The following PC variants were observed in gnomAD, a reference collection of about 807,000 sequenced individuals.
PC encodes pyruvate carboxylase, also known as pyruvate carboxylase, mitochondrial.
A neutral mutation model predicts 107.8 loss-of-function variants in PC; 46 were observed. That is an observed-to-expected ratio of 0.43 (90% CI 0.34 to 0.55). PC has a LOEUF of 0.55. Ranked by LOEUF, PC falls within the 20% of genes least tolerant of loss-of-function variation. PC has a pLI of 0.04. For synonymous variants in PC, 662 were observed against 684.7 expected, an observed-to-expected ratio of 0.97 and a Z score of 0.52; for missense variants, 1,241 against 1,643.1, an observed-to-expected ratio of 0.76 and a Z score of 4.23.
Position 66,870,689 on chromosome 11 carries a change from C to T in PC, c.751+86G>A. On this transcript the variant is annotated intron_variant, in intron 8 of 22. Coordinates refer to ENST00000393960, the MANE Select transcript of PC (RefSeq NM_001040716.2). The surrounding 1 kb of genome is among the most constrained non-coding windows in gnomAD (Gnocchi z 6.1). The stretch of plus-strand genomic sequence containing the variant: ...GCCCGACAGGCCCCAGGGCTGTCCC[C>T]AAGGCCAGCCACTGTGACGGCACCA... The T allele has an allele frequency of 7.3e-7, 1 of 1,363,146 alleles. No homozygotes were observed. The highest frequency in any genetic ancestry group is 1.0e-6 in the Non-Finnish European group (1 of 963,302). The allele number at this position is 1,363,146 out of a possible 1,614,324, so 84.4% of individuals were successfully genotyped here. A position where few individuals can be genotyped will look rare whatever the true frequency, so the allele number is the denominator to read the frequency against.
chr11:66,915,896 T>G (rs1194065274), intron 3 of PC, among the ~76,000 whole-genome samples: 1 of 152,234 alleles, frequency 6.6e-6, no homozygotes, highest in Non-Finnish European at 1.5e-5. Flanking sequence ...CAATAGCCAC[T>G]GCCTCTTTCG....
At chr11:66,934,279 G>A (rs1180397164) in intron 3 of PC, among the ~76,000 whole-genome samples, 1 of 152,178 alleles carries the variant, frequency 6.6e-6, no homozygotes, top group Non-Finnish European at 1.5e-5. Flanking sequence ...CCCATTAACA[G>A]AGCCACCATT....
At chr11:66,912,936 A>C (rs990991507) in intron 3 of PC, among the ~76,000 whole-genome samples, 5 of 152,280 alleles carry the variant, frequency 3.3e-5, no homozygotes, top group Admixed American at 2.6e-4. Context: ...AGCTGAGGTC[A>C]CTGGGTAGGG....
chr11:66,908,984 T>C (rs564387427), intron 3 of PC, among the ~76,000 whole-genome samples: 1 of 152,322 alleles, frequency 6.6e-6, no homozygotes, highest in Non-Finnish European at 1.5e-5. Flanking sequence ...GGAAGGGGGC[T>C]ACCCGGAAGG....
chr11:66,866,269 C>A lies in PC; in HGVS notation c.1103G>T (p.Arg368Leu). 6.2e-7 allele frequency: 1 copy of A among 1,613,018 alleles called. No homozygotes were observed. Residue 368 changes from arginine to leucine, a missense_variant, in exon 11 of 23, where the codon CGC becomes CTC. Transcript: ENST00000393960. The surrounding 1 kb of genome is among the most constrained non-coding windows in gnomAD (Gnocchi z 5.4). Reference sequence around the variant, plus strand: ...GCACTGGATGGCACACCCGTTGATGCGGATGTTCTCCTGCCGCAGGCCCAG... The same window carrying A: ...GCACTGGATGGCACACCCGTTGATGAGGATGTTCTCCTGCCGCAGGCCCAG... Reference protein sequence around the residue: ...PDLGLRQENIRINGCAIQCRV... With the variant: ...PDLGLRQENILINGCAIQCRV...
chr11:66,850,733 G>C lies in PC; in HGVS notation c.2414C>G (p.Thr805Ser). 2 of 1,611,508 alleles carry C rather than the reference G, an allele frequency of 1.2e-6. No individual in the cohort carries two copies. Among genetic ancestry groups the C allele is most frequent in the Non-Finnish European group, 1.7e-6 (2 of 1,179,908 alleles). Residue 805 changes from threonine to serine, a missense_variant, in exon 18 of 23, where the codon ACT becomes AGT. This residue lies in a region of PC where 1,143 missense variants were observed against 1,551.9 expected (regional missense o/e 0.74). Transcript: ENST00000393960. ...DVAADSMSGMTSQPSMGALVA... is the reference protein window; with the variant it reads ...DVAADSMSGMSSQPSMGALVA... ...CAGGGCCCCCATGCTGGGCTGTGAA[G>C]TCATCCCAGACATGGAATCAGCTGC...
At chr11:66,880,472 G>A (rs901301134) in intron 3 of PC, among the ~76,000 whole-genome samples, 2 of 152,154 alleles carry the variant, frequency 1.3e-5, no homozygotes, top group South Asian at 2.1e-4. Context: ...GGCACCTATG[G>A]TGACCCTCGG....
At chr11:66,922,749 C>G (rs558182559) in intron 3 of PC, among the ~76,000 whole-genome samples, 2 of 152,222 alleles carry the variant, frequency 1.3e-5, no homozygotes, top group South Asian at 2.1e-4. Context: ...GAGCCACAGA[C>G]AGCTGGAGAA....
At chr11:66,950,851 C>T (rs1949417953) in intron 3 of PC, among the ~76,000 whole-genome samples, 2 of 152,080 alleles carry the variant, frequency 1.3e-5, no homozygotes, top group South Asian at 4.1e-4. Flanking sequence ...GAACCTTCCC[C>T]AACATGCCCA....
chr11:66,851,015 A>C (rs778933030), intron 17 of PC, 25 bp downstream of exon 17: 2 of 1,611,332 alleles, frequency 1.2e-6, no homozygotes, highest in Non-Finnish European at 1.7e-6. Flanking sequence ...GCAGAGAGGG[A>C]GGGACGGACA....
chr11:66,854,060 G>T (rs1381246693), intron 12 of PC, among the ~76,000 whole-genome samples: 2 of 152,160 alleles, frequency 1.3e-5, no homozygotes, highest in African/African-American at 2.4e-5. Context: ...TGCCCAGTGG[G>T]TGCCCCACTG....
intron 3 of PC, among the ~76,000 whole-genome samples, chr11:66,873,496 T>TA (rs1946848949): frequency 1.4e-4 from 2 of 14,702 alleles, no homozygotes; most frequent in African/African-American, 2.5e-4. Context: ...ATTATATATA[T>TA]TATATAATAT....
At position 66,868,866 on chromosome 11, in the gene PC, C is replaced by G. The variant is rs778602769; in HGVS notation, c.1002G>C (p.Thr334=). The G allele has an allele frequency of 1.9e-6, 3 of 1,613,264 alleles. No homozygotes were observed. The highest frequency in any genetic ancestry group is 2.5e-6 in the Non-Finnish European group (3 of 1,179,500). ...EVNSRLQVEH[T]VTEEITDVDL... ...CTCACTCGGTGATCTCCTCTGTGACCGTGTGCTCCACCTGCAGGCGGGAGT... is the reference window on the plus strand; with the variant it reads ...CTCACTCGGTGATCTCCTCTGTGACGGTGTGCTCCACCTGCAGGCGGGAGT... The change falls in exon 10 of 23, where the codon ACG becomes ACC. Residue 334 remains threonine (T), a synonymous_variant. Coordinates refer to ENST00000393960, the MANE Select transcript of PC (RefSeq NM_001040716.2).
chr11:66,898,864 A>G (rs376342731), intron 3 of PC, among the ~76,000 whole-genome samples: 12 of 151,924 alleles, frequency 7.9e-5, no homozygotes, highest in African/African-American at 2.9e-4. Context: ...CCTATTCTGG[A>G]CATTTCTTTT....
intron 3 of PC, among the ~76,000 whole-genome samples, chr11:66,898,248 G>T (rs750778807): frequency 4.6e-5 from 7 of 152,200 alleles, no homozygotes; most frequent in African/African-American, 1.7e-4. Flanking sequence ...CAGGGCCAGC[G>T]GTCACAGCCC....
rs756937684 is a variant in PC at position 66,878,810 on chromosome 11, C to T, written c.1-6651G>A. ...TGGAAGGGAAAAGATCAGGGCTCTT[C>T]GGCTGAAGTCAGAGCAGGGAAAAGT... is the stretch of plus-strand genomic sequence containing the variant. On this transcript the variant is annotated intron_variant, in intron 3 of 22. Coordinates refer to ENST00000393960, the MANE Select transcript of PC (RefSeq NM_001040716.2). 4.6e-5 allele frequency among the ~76,000 whole-genome samples: 7 copies of T among 152,298 alleles called. No homozygotes were observed. In the East Asian group the frequency reaches 9.6e-4, roughly 21 times the overall value.
At chr11:66,876,053 C>T (rs758339229) in intron 3 of PC, among the ~76,000 whole-genome samples, 14 of 152,188 alleles carry the variant, frequency 9.2e-5, no homozygotes, top group South Asian at 2.1e-4. Flanking sequence ...GACGCAAGAA[C>T]GGTTTCAGAT....
At chr11:66,853,997 A>G (rs558130388) in intron 12 of PC, among the ~76,000 whole-genome samples, 4 of 152,344 alleles carry the variant, frequency 2.6e-5, no homozygotes, top group Admixed American at 2.0e-4. Flanking sequence ...CACCCCTCGC[A>G]TAAGTTCAGC....
In PC at chr11:66,852,644, A is replaced by G. The variant is rs781570011; in HGVS notation, c.1620T>C (p.Gly540=). Residue 540 remains glycine (G), a synonymous_variant, in exon 15 of 23, where the codon GGT becomes GGC. Transcript: ENST00000393960. The surrounding 1 kb of genome is among the most constrained non-coding windows in gnomAD (Gnocchi z 4.7). ...CCTCTCGCAGCAGGATGTCTCTGAA[A>G]CCAGCCGGGGGCGGGCCTAGGGTAG... ...PAVPIGPPPA[G]FRDILLREGP... The G allele has an allele frequency of 9.3e-6, 15 of 1,613,530 alleles. No individual in the cohort carries two copies. The highest frequency in any genetic ancestry group is 1.2e-5 in the Non-Finnish European group (14 of 1,179,724).
Sources: allele counts gnomAD v4.1 joint callset (sites outside exome capture counted in the v4.1 genomes callset), GRCh38; gene constraint gnomAD v4.1.1; regional missense constraint gnomAD v4.1.1; non-coding constraint Gnocchi (gnomAD v3.1); transcripts MANE v1.5; gene names NCBI Gene and HGNC (gene_info 2026-07-23, HGNC 2026-07-21).